LHFPL3: variants seen among roughly 807,000 people sequenced by gnomAD.
The protein encoded by LHFPL3 is LHFPL tetraspan subfamily member 3.
A neutral mutation model predicts 19.3 loss-of-function variants in LHFPL3; 5 were observed. That is an observed-to-expected ratio of 0.26 (90% CI 0.14 to 0.54). The LOEUF (loss-of-function observed/expected upper bound fraction) is 0.54. Among genes scored for constraint, LHFPL3 ranks in the 20% least tolerant of loss-of-function variants. The pLI is 0.94. For synonymous variants in LHFPL3, 133 were observed against 126.2 expected (o/e 1.05, Z -0.36); for missense variants, 249 against 307.4 (o/e 0.81, Z 1.42).
chr7:104,558,562 G>C (rs1239744922), intron 1 of LHFPL3, among the ~76,000 whole-genome samples: 1 of 151,362 alleles, frequency 6.6e-6, no homozygotes, highest in Non-Finnish European at 1.5e-5. Context: ...TGAGTTCATT[G>C]TAGATTCTGG....
chr7:104,625,521 G>A (rs1159674590), intron 1 of LHFPL3, among the ~76,000 whole-genome samples: 1 of 152,196 alleles, frequency 6.6e-6, no homozygotes, highest in East Asian at 1.9e-4. Flanking sequence ...TATCTTCAGA[G>A]TGTCTCACAT....
intron 1 of LHFPL3, among the ~76,000 whole-genome samples, chr7:104,655,242 AG>A (rs1792101149): frequency 2.0e-5 from 3 of 152,168 alleles, no homozygotes; most frequent in South Asian, 4.1e-4. Flanking sequence ...TCCTTGGCCA[AG>A]GGTTCTACAT....
intron 2 of LHFPL3, among the ~76,000 whole-genome samples, chr7:104,860,091 T>A (rs1331723584): frequency 6.6e-6 from 1 of 151,970 alleles, no homozygotes; most frequent in Non-Finnish European, 1.5e-5. Context: ...GTACGACCCA[T>A]AACCCCACTC....
chr7:104,561,676 A>G (rs1440537447), intron 1 of LHFPL3, among the ~76,000 whole-genome samples: 4 of 152,050 alleles, frequency 2.6e-5, no homozygotes, highest in Non-Finnish European at 5.9e-5. Context: ...CATTTAGTCC[A>G]TTTACATTTA....
intron 2 of LHFPL3, among the ~76,000 whole-genome samples, chr7:104,893,615 T>C (rs1329833547): frequency 6.6e-6 from 1 of 152,234 alleles, no homozygotes; most frequent in Admixed American, 6.5e-5. Context: ...AACTTTGTTG[T>C]ATTATCATAG....
intron 1 of LHFPL3, among the ~76,000 whole-genome samples, chr7:104,331,967 A>G (rs1341959405): frequency 1.3e-5 from 2 of 151,906 alleles, no homozygotes; most frequent in Non-Finnish European, 2.9e-5. Context: ...AAAAAGAAAA[A>G]GAAAGTTTAG....
At position 104,748,688 on chromosome 7, in the gene LHFPL3, C is replaced by T. The variant is rs181980488; in HGVS notation, c.682+11777C>T. Among the ~76,000 whole-genome samples, 383 of 152,246 alleles carry T rather than the reference C, an allele frequency of 2.5e-3. 2 individuals carry two copies. Among genetic ancestry groups the T allele is most frequent in the African/African-American group, 8.6e-3 (356 of 41,530 alleles). On this transcript the variant is annotated intron_variant, in intron 2 of 2. Transcript: ENST00000424859. ...TCTTGTGACCCTGACACATCCCCCT[C>T]TTGGAGAAACACCCACAAATGATCA...
At position 104,403,725 on chromosome 7, in the gene LHFPL3, T is replaced by TTCTCTCTCTCTCTCTC. The variant is rs71786184; in HGVS notation, c.445+74520_445+74535dup. Reference sequence around the variant, plus strand: ...AATCTAATCATGTCCTTAGTGAACATTCTCTCTCTCTCTCTCTCTCTCTCT... The same window carrying TTCTCTCTCTCTCTCTC: ...AATCTAATCATGTCCTTAGTGAACATTCTCTCTCTCTCTCTCTCTCTCTCTCTCTCTCTCTCTCTCT... On this transcript the variant is annotated intron_variant, in intron 1 of 2. Coordinates refer to ENST00000424859, the MANE Select transcript of LHFPL3 (RefSeq NM_199000.3). Among the ~76,000 whole-genome samples, 427 of 143,680 alleles carry TTCTCTCTCTCTCTCTC rather than the reference T, an allele frequency of 3.0e-3. 5 individuals carry two copies. Among genetic ancestry groups the TTCTCTCTCTCTCTCTC allele is most frequent in the African/African-American group, 0.01 (391 of 38,138 alleles). 94.3% of individuals were successfully genotyped at this position (143,680 alleles called of 152,430 possible).
At chr7:104,530,011 C>G (rs1413041479) in intron 1 of LHFPL3, among the ~76,000 whole-genome samples, 2 of 152,132 alleles carry the variant, frequency 1.3e-5, no homozygotes, top group African/African-American at 4.8e-5. Context: ...TGCTTTTCAT[C>G]CAAGAATGGG....
intron 2 of LHFPL3, among the ~76,000 whole-genome samples, chr7:104,845,179 A>G (rs1791289207): frequency 6.6e-6 from 1 of 152,246 alleles, no homozygotes; most frequent in African/African-American, 2.4e-5. Flanking sequence ...GCCAGCAAGT[A>G]GCAGGACTAA....
intron 1 of LHFPL3, among the ~76,000 whole-genome samples, chr7:104,342,228 C>G (rs766006035): frequency 6.6e-5 from 10 of 151,938 alleles, no homozygotes; most frequent in Non-Finnish European, 1.0e-4. Flanking sequence ...AGGTTCTAAA[C>G]AGCCCTTTGG....
intron 2 of LHFPL3, among the ~76,000 whole-genome samples, chr7:104,859,127 C>T (rs898751934): frequency 1.3e-5 from 2 of 151,418 alleles, no homozygotes; most frequent in Non-Finnish European, 2.9e-5. Flanking sequence ...ATTAGCCAGG[C>T]GTGTTGGCAG....
chr7:104,523,205 C>T (rs1794112018), intron 1 of LHFPL3, among the ~76,000 whole-genome samples: 1 of 152,172 alleles, frequency 6.6e-6, no homozygotes, highest in Middle Eastern at 3.4e-3. Context: ...TAATCTCCAC[C>T]ATCCTAGAAC....
intron 1 of LHFPL3, among the ~76,000 whole-genome samples, chr7:104,424,101 G>A (rs186737011): frequency 2.8e-4 from 42 of 152,254 alleles, no homozygotes; most frequent in African/African-American, 9.6e-4. Flanking sequence ...ATTAGGCTTT[G>A]TGTTCTCTCC....
At chr7:104,830,980 C>T (rs887724853) in intron 2 of LHFPL3, among the ~76,000 whole-genome samples, 35 of 151,840 alleles carry the variant, frequency 2.3e-4, no homozygotes, top group Non-Finnish European at 5.0e-4. Flanking sequence ...ATAACACCCC[C>T]TTTCACTCGC....
At chr7:104,357,865 A>G (rs528540590) in intron 1 of LHFPL3, among the ~76,000 whole-genome samples, 1 of 152,226 alleles carries the variant, frequency 6.6e-6, no homozygotes, top group East Asian at 1.9e-4. Flanking sequence ...GATGGACTTT[A>G]ATCACATCTA....
chr7:104,491,236 T>G (rs1316665218), intron 1 of LHFPL3, among the ~76,000 whole-genome samples: 1 of 152,082 alleles, frequency 6.6e-6, no homozygotes, highest in Non-Finnish European at 1.5e-5. Flanking sequence ...GGAATTCTGG[T>G]CATTTCCCTA....
chr7:104,458,431 T>A (rs545412064), intron 1 of LHFPL3, among the ~76,000 whole-genome samples: 3 of 152,270 alleles, frequency 2.0e-5, no homozygotes, highest in African/African-American at 4.8e-5. Flanking sequence ...GTTGTAGATA[T>A]GCGGTGTTAT....
At chr7:104,671,488 C>G (rs1166100673) in intron 1 of LHFPL3, among the ~76,000 whole-genome samples, 1 of 150,470 alleles carries the variant, frequency 6.6e-6, no homozygotes, top group East Asian at 1.9e-4. Flanking sequence ...AGACTTATTA[C>G]CTGGGAGATG....
Sources: allele counts gnomAD v4.1 joint callset (sites outside exome capture counted in the v4.1 genomes callset), GRCh38; gene constraint gnomAD v4.1.1; transcripts MANE v1.5; gene names NCBI Gene and HGNC (gene_info 2026-07-23, HGNC 2026-07-21).